DNAI1: variants seen among roughly 807,000 people sequenced by gnomAD.
The protein encoded by DNAI1 is dynein axonemal intermediate chain 1, also known as dynein, axonemal, intermediate polypeptide 1.
DNAI1 carries 67 observed loss-of-function variants against 92.0 expected under a neutral mutation model. The ratio of observed to expected loss-of-function variants is 0.73; its 90% confidence interval spans 0.60 to 0.89. DNAI1 has a LOEUF of 0.89. DNAI1 is among the 40% of genes least tolerant of loss of function. The pLI is 0.00. For synonymous variants in DNAI1, 323 were observed against 319.6 expected (o/e 1.01, Z -0.11); for missense variants, 839 against 866.6 (o/e 0.97, Z 0.40).
chr9:34,490,385 C>A lies in DNAI1; in HGVS notation c.518C>A (p.Thr173Asn). 1 of 1,614,132 alleles carries A rather than the reference C, an allele frequency of 6.2e-7. No homozygotes were observed. Residue 173 changes from threonine to asparagine, a missense_variant, in exon 7 of 20, where the codon ACT (threonine) becomes AAT (asparagine). By Grantham distance (65) the Thr-to-Asn change is moderately conservative. Transcript: ENST00000242317. ...VPAAGAAEKV[T>N]EEELMTPKQP... The stretch of plus-strand genomic sequence containing the variant: ...TATTTTCAGGCAGCTGAAAAAGTGA[C>A]TGAAGAAGAATTGATGACTCCTAAG...
intron 1 of DNAI1, among the ~76,000 whole-genome samples, chr9:34,482,909 G>A (rs550193974): frequency 5.9e-5 from 9 of 152,384 alleles, no homozygotes; most frequent in East Asian, 3.9e-4. Flanking sequence ...GCCCTGCCCC[G>A]TGGGAAGGCA....
At chr9:34,490,585 C>A in intron 7 of DNAI1, 97 bp downstream of exon 7, 1 of 1,517,844 alleles carries the variant, frequency 6.6e-7, no homozygotes, top group Non-Finnish European at 9.1e-7. Flanking sequence ...CTCAGCCTGG[C>A]AGGGGTGACA....
At position 34,517,096 on chromosome 9, in the gene DNAI1, T is replaced by C. The variant is rs116493724; in HGVS notation, c.1819-189T>C. ...AGATTTAAAATTTCTCCTAAACTTT[T>C]TAATTCTCACTCTTTCAACCATAGG... is the stretch of plus-strand genomic sequence containing the variant. On this transcript the variant is annotated intron_variant, in intron 18 of 19. Transcript: ENST00000242317. Among the ~76,000 whole-genome samples the C allele has an allele frequency of 2.4e-3, 369 of 152,222 alleles. 3 individuals carry two copies. The highest frequency in any genetic ancestry group is 8.1e-3 in the African/African-American group (337 of 41,544).
Position 34,490,380 on chromosome 9 carries a change from A to T in DNAI1, c.513A>T (p.Lys171Asn), listed in dbSNP as rs751903139. The T allele has an allele frequency of 1.9e-6, 3 of 1,614,188 alleles. No homozygotes were observed. The highest frequency in any genetic ancestry group is 2.5e-6 in the Non-Finnish European group (3 of 1,180,022). Residue 171 changes from lysine (K) to asparagine (N), a missense_variant, in exon 7 of 20, where the codon AAA becomes AAT. Physicochemically the swap from Lys to Asn is moderately conservative, Grantham distance 94. Coordinates refer to ENST00000242317, the MANE Select transcript of DNAI1 (RefSeq NM_012144.4). Reference protein sequence around the residue: ...TDVPAAGAAEKVTEEELMTPK... With the variant: ...TDVPAAGAAENVTEEELMTPK... ...GTCTTTATTTTCAGGCAGCTGAAAA[A>T]GTGACTGAAGAAGAATTGATGACTC...
chr9:34,474,567 C>CTTT (rs55701117), intron 1 of DNAI1, among the ~76,000 whole-genome samples: 37 of 107,850 alleles, frequency 3.4e-4, no homozygotes, highest in Admixed American at 6.5e-4. Context: ...TTTTTTTTTC[C>CTTT]TTTTTTTTTT....
At chr9:34,505,480 C>T (rs979961835) in intron 12 of DNAI1, among the ~76,000 whole-genome samples, 17 of 152,188 alleles carry the variant, frequency 1.1e-4, no homozygotes, top group African/African-American at 4.1e-4. Flanking sequence ...CTGCAGAATC[C>T]CTCTTGCCAT....
chr9:34,475,541 A>G (rs983737591), intron 1 of DNAI1, among the ~76,000 whole-genome samples: 1 of 152,214 alleles, frequency 6.6e-6, no homozygotes, highest in Non-Finnish European at 1.5e-5. Flanking sequence ...GCTGTCAGGC[A>G]TCATTTATTG....
chr9:34,487,604 C>T (rs1257946452), intron 4 of DNAI1, among the ~76,000 whole-genome samples: 3 of 152,052 alleles, frequency 2.0e-5, no homozygotes, highest in Non-Finnish European at 2.9e-5. Context: ...GAGCACAGTA[C>T]ACTCTATGGG....
At chr9:34,492,683 C>T (rs550350293) in intron 8 of DNAI1, among the ~76,000 whole-genome samples, 142 of 151,222 alleles carry the variant, frequency 9.4e-4, no homozygotes, top group Middle Eastern at 3.4e-3. Context: ...CCACACCTGG[C>T]GTATTTTTGT....
At chr9:34,477,459 A>G (rs183717810) in intron 1 of DNAI1, among the ~76,000 whole-genome samples, 29 of 152,288 alleles carry the variant, frequency 1.9e-4, no homozygotes, top group Non-Finnish European at 3.5e-4. Flanking sequence ...TAATGTGCAT[A>G]AATAGCTTAG....
At chr9:34,510,914 C>T (rs193086708) in intron 13 of DNAI1, among the ~76,000 whole-genome samples, 13 of 152,328 alleles carry the variant, frequency 8.5e-5, no homozygotes, top group African/African-American at 3.1e-4. Context: ...AGCCAGCTGC[C>T]TGGACAGACC....
At chr9:34,512,667 G>T (rs576970339) in intron 15 of DNAI1, among the ~76,000 whole-genome samples, 1 of 152,128 alleles carries the variant, frequency 6.6e-6, no homozygotes, top group African/African-American at 2.4e-5. Context: ...CAGATCAGGT[G>T]CTGTTATGCA....
intron 15 of DNAI1, among the ~76,000 whole-genome samples, chr9:34,512,771 T>A (rs895889900): frequency 1.3e-5 from 2 of 152,234 alleles, no homozygotes; most frequent in Admixed American, 1.3e-4. Flanking sequence ...ACTATATCCC[T>A]GTTGGCACAG....
At chr9:34,502,892 C>G (rs1824861414) in intron 12 of DNAI1, among the ~76,000 whole-genome samples, 1 of 152,122 alleles carries the variant, frequency 6.6e-6, no homozygotes, top group Non-Finnish European at 1.5e-5. Flanking sequence ...ACCTGCCAGG[C>G]CTCCATTCCA....
intron 1 of DNAI1, among the ~76,000 whole-genome samples, chr9:34,477,088 G>A (rs773966277): frequency 2.6e-5 from 4 of 151,914 alleles, no homozygotes; most frequent in African/African-American, 4.8e-5. Flanking sequence ...CAATCATAGC[G>A]CACTGCAGCC....
intron 1 of DNAI1, among the ~76,000 whole-genome samples, chr9:34,482,760 C>G (rs1824389150): frequency 6.6e-6 from 1 of 152,284 alleles, no homozygotes; most frequent in Non-Finnish European, 1.5e-5. Context: ...GCGCCTTGCG[C>G]TCGCATTCCT....
chr9:34,490,209 G>A (rs1008647528), intron 6 of DNAI1, 85 bp downstream of exon 6: 4 of 1,611,702 alleles, frequency 2.5e-6, no homozygotes, highest in African/African-American at 1.3e-5. Flanking sequence ...GAAAGGAGGA[G>A]GGAGACCTAA....
rs1824819204 is a variant in DNAI1, at chr9:34,500,905, C to A, written c.1019+66C>A. 7 of 1,276,122 alleles carry A rather than the reference C, an allele frequency of 5.5e-6. No individual in the cohort carries two copies. In the South Asian group the frequency reaches 8.3e-5, roughly 15 times the overall value. 79.0% of individuals were successfully genotyped at this position (1,276,122 alleles called of 1,614,324 possible). ...CCCTCTACATCCCAAACCCCCAGTA[C>A]CCCCTTCTGCACTTAACCACCTTGA... On this transcript the variant is annotated intron_variant, in intron 11 of 19. Transcript: ENST00000242317.
intron 1 of DNAI1, among the ~76,000 whole-genome samples, chr9:34,483,196 C>T (rs536105569): frequency 2.6e-4 from 39 of 152,330 alleles, no homozygotes; most frequent in East Asian, 9.7e-4. Flanking sequence ...GAGTGGGCTC[C>T]GGCCTTGGCC....
Sources: allele counts gnomAD v4.1 joint callset (sites outside exome capture counted in the v4.1 genomes callset), GRCh38; gene constraint gnomAD v4.1.1; transcripts MANE v1.5; gene names NCBI Gene and HGNC (gene_info 2026-07-23, HGNC 2026-07-21).